CA14: variants seen among roughly 807,000 people sequenced by gnomAD.
The protein encoded by CA14 is CA-XIV.
In CA14, 44 loss-of-function variants were observed where a neutral mutation model predicts 48.8. The ratio of observed to expected loss-of-function variants is 0.90; its 90% CI spans 0.71 to 1.16. The LOEUF (loss-of-function observed/expected upper bound fraction) is 1.16. CA14 is among the 50% of genes most tolerant of loss of function. CA14 has a pLI of 0.00. For missense variants in CA14, 386 were observed against 401.0 expected, an observed-to-expected ratio of 0.96 and a Z score of 0.32; for synonymous variants, 154 against 155.0, an observed-to-expected ratio of 0.99 and a Z score of 0.05.
In CA14 at chr1:150,262,297, A is replaced by G. The variant is rs1371656809; in HGVS notation, c.396A>G (p.Ala132=). 1.3e-6 allele frequency: 2 copies of G among 1,597,450 alleles called. No homozygotes were observed. Among genetic ancestry groups the G allele is most frequent in the Admixed American group, 1.7e-5 (1 of 58,014 alleles). Residue 132 remains alanine (A), a synonymous_variant, in exon 4 of 11, where the codon GCA becomes GCG. Transcript: ENST00000369111. ...EHQINSEATF[A]ELHIVHYDSD... is the part of the protein sequence containing the mutation. ...AGATCAACAGTGAAGCCACATTTGC[A>G]GAGGTACCAGGGAACAAAGAGCTGG...
Position 150,262,199 on chromosome 1 carries a change from C to T in CA14, c.298C>T (p.Pro100Ser). ...LPSTLYLGGLPRKYVAAQLHL... is the reference protein window; with the variant it reads ...LPSTLYLGGLSRKYVAAQLHL... ...CTCTACCCTGTATCTGGGTGGACTT[C>T]CCCGAAAATATGTAGCTGCCCAGCT... is the stretch of plus-strand genomic sequence containing the variant. The change falls in exon 4 of 11, where the codon CCC becomes TCC. Residue 100 changes from proline to serine, a missense_variant. Pro to Ser is a moderately conservative substitution (Grantham distance 74). Coordinates refer to ENST00000369111, the MANE Select transcript of CA14 (RefSeq NM_012113.3). The T allele has an allele frequency of 6.2e-7, 1 of 1,614,176 alleles. No individual in the cohort carries two copies. Among genetic ancestry groups the T allele is most frequent in the Non-Finnish European group, 8.5e-7 (1 of 1,180,030 alleles).
At position 150,260,054 on chromosome 1, in the gene CA14, G is replaced by A. The variant is rs587709056; in HGVS notation, c.56-97G>A. On this transcript the variant is annotated intron_variant, in intron 1 of 10. Transcript: ENST00000369111. ...AGGGAGGAGAGACTGCAGAGAGGGA[G>A]GTGGAGCAGTACAGAATGCCAGAGG... is the stretch of plus-strand genomic sequence containing the variant. The A allele has an allele frequency of 4.3e-6, 5 of 1,163,106 alleles. No homozygotes were observed. In the Admixed American group the frequency reaches 7.2e-5, roughly 17 times the overall value. The allele number at this position is 1,163,106 out of a possible 1,614,324, so 72.0% of individuals were successfully genotyped here. A position where few individuals can be genotyped will look rare whatever the true frequency, so the allele number is the denominator to read the frequency against.
chr1:150,263,381 C>T lies in CA14; in HGVS notation c.803C>T (p.Pro268Leu), dbSNP rs781924907. ...LLVQNYRALQPLNQRMVFASF... is the reference protein window; with the variant it reads ...LLVQNYRALQLLNQRMVFASF... ...GTACAGAACTACCGAGCCCTTCAGC[C>T]TCTCAATCAGCGCATGGTCTTTGCT... Residue 268 changes from proline to leucine, a missense_variant, in exon 8 of 11, where the codon CCT (proline) becomes CTT (leucine). Coordinates refer to ENST00000369111, the MANE Select transcript of CA14 (RefSeq NM_012113.3). The T allele has an allele frequency of 1.7e-5, 27 of 1,614,086 alleles. No individual in the cohort carries two copies. Among genetic ancestry groups the T allele is most frequent in the Admixed American group, 3.3e-5 (2 of 59,992 alleles).
At chr1:150,260,086 A>C (rs1284562516) in intron 1 of CA14, 65 bp from the exon 2 acceptor site, 2 of 1,510,122 alleles carry the variant, frequency 1.3e-6, no homozygotes, top group African/African-American at 2.8e-5. Context: ...GAGGGAGGGG[A>C]GTGTGGAGGC....
intron 2 of CA14, 93 bp from the exon 3 acceptor site, chr1:150,261,366 G>C (rs1553847760): frequency 2.7e-6 from 3 of 1,116,714 alleles, no homozygotes; most frequent in Non-Finnish European, 4.0e-6. Context: ...CAGATGTATG[G>C]CTTGGTTAGG....
Position 150,261,490 on chromosome 1 carries a change from T to C in CA14, c.108T>C (p.Ser36=). 1 of 1,614,162 alleles carries C rather than the reference T, an allele frequency of 6.2e-7. No individual in the cohort carries two copies. The highest frequency in any genetic ancestry group is 8.5e-7 in the Non-Finnish European group (1 of 1,180,018). The change falls in exon 3 of 11, where the codon TCT becomes TCC. Residue 36 remains serine, a synonymous_variant. Transcript: ENST00000369111. ...GPHGQDHWPA[S]YPECGNNAQS... is the part of the protein sequence containing the mutation. ...ATGGTCAGGACCATTGGCCAGCCTC[T>C]TACCCTGAGTGTGGAAACAATGCCC...
At chr1:150,262,667 A>C in intron 5 of CA14, 47 bp downstream of exon 5, 2 of 1,478,600 alleles carry the variant, frequency 1.4e-6, no homozygotes, top group Non-Finnish European at 1.9e-6. Context: ...CTTCCTCTGC[A>C]ACCCTCAAAC....
At chr1:150,260,294 T>C in intron 2 of CA14, 123 bp downstream of exon 2, 1 of 917,292 alleles carries the variant, frequency 1.1e-6, no homozygotes, top group Non-Finnish European at 1.8e-6. Flanking sequence ...TCCTCCCTTC[T>C]GGATCTCCTC....
chr1:150,262,053 G>T, intron 3 of CA14, 105 bp from the exon 4 acceptor site: 1 of 1,336,452 alleles, frequency 7.5e-7, no homozygotes, highest in Non-Finnish European at 1.1e-6. Flanking sequence ...GCTACTGGGG[G>T]AGAAAACTGG....
chr1:150,259,582 C>T (rs1017228267), intron 1 of CA14, among the ~76,000 whole-genome samples: 45 of 152,102 alleles, frequency 3.0e-4, no homozygotes, highest in Non-Finnish European at 2.5e-4. Flanking sequence ...GAGGAGTTTC[C>T]TCTAGAGCTA....
rs147925499 is a variant in CA14 at position 150,260,406 on chromosome 1, G to A, written c.76+235G>A. On this transcript the variant is annotated intron_variant, in intron 2 of 10. Transcript: ENST00000369111. The stretch of plus-strand genomic sequence containing the variant: ...AAGCTAGTTAAGTCCTCAGTAAATC[G>A]TGTAGGAGTGAGGGAGCTGGGGTGG... The A allele has an allele frequency of 1.1e-4, 66 of 613,634 alleles. 1 individual carries two copies. Among genetic ancestry groups the A allele is most frequent in the Middle Eastern group, 5.1e-4 (2 of 3,890 alleles). The allele number at this position is 613,634 out of a possible 1,614,324, so 38.0% of individuals were successfully genotyped here. A position where few individuals can be genotyped will look rare whatever the true frequency, so the allele number is the denominator to read the frequency against.
Position 150,263,305 on chromosome 1 carries a change from A to T in CA14, c.727A>T (p.Lys243Ter). The part of the protein sequence containing the change: ...RSQISMEQLE[K>*]LQGTLFSTEE... ...CCACGCTTCTGCTCCTCAGCTGGAAAAGCTTCAGGGGACATTGTTCTCCAC... is the reference window on the plus strand; with the variant it reads ...CCACGCTTCTGCTCCTCAGCTGGAATAGCTTCAGGGGACATTGTTCTCCAC... Residue 243 changes from lysine (K) to a stop codon, truncating the protein, a stop_gained, in exon 8 of 11, where the codon AAG (lysine) becomes TAG (stop). Transcript: ENST00000369111. LOFTEE classifies it high-confidence loss of function. 1 of 1,614,156 alleles carries T rather than the reference A, an allele frequency of 6.2e-7. No individual in the cohort carries two copies. Among genetic ancestry groups the T allele is most frequent in the Middle Eastern group, 1.7e-4 (1 of 6,054 alleles).
rs587707748 is a variant in CA14 at position 150,262,196 on chromosome 1, C to T, written c.295C>T (p.Leu99Phe). ...GCCCTCTACCCTGTATCTGGGTGGA[C>T]TTCCCCGAAAATATGTAGCTGCCCA... is the stretch of plus-strand genomic sequence containing the variant. ...SLPSTLYLGG[L>F]PRKYVAAQLH... Residue 99 changes from leucine (L) to phenylalanine (F), a missense_variant, in exon 4 of 11, where the codon CTT becomes TTT. By Grantham distance (22) the Leu-to-Phe change is conservative (BLOSUM62 0). Transcript: ENST00000369111. The T allele has an allele frequency of 6.2e-6, 10 of 1,614,182 alleles. No individual in the cohort carries two copies. The African/African-American group carries it at 1.3e-4, about 22-fold the overall frequency.
intron 4 of CA14, 24 bp from the exon 5 acceptor site, chr1:150,262,501 T>C (rs782628240): frequency 1.3e-6 from 2 of 1,588,868 alleles, no homozygotes; most frequent in Non-Finnish European, 1.7e-6. Context: ...ATTCCATGAT[T>C]CAATTCCCTC....
At position 150,262,581 on chromosome 1, in the gene CA14, GA is replaced by G; in HGVS notation, c.457del (p.Arg153GlyfsTer11). 1 of 1,614,090 alleles carries G rather than the reference GA, an allele frequency of 6.2e-7. No homozygotes were observed. Among genetic ancestry groups the G allele is most frequent in the Non-Finnish European group, 8.5e-7 (1 of 1,179,962 alleles). On this transcript the variant is annotated frameshift_variant, in exon 5 of 11. Coordinates refer to ENST00000369111, the MANE Select transcript of CA14 (RefSeq NM_012113.3). LOFTEE classifies it high-confidence loss of function. The stretch of plus-strand genomic sequence containing the variant: ...ATGACAGCTTGAGTGAGGCTGCTGA[GA>G]GGCCTCAGGGCCTGGCTGTCCTGGG... The part of the protein sequence containing the change: ...SYDSLSEAAE[R>X]PQGLAVLGIL...
rs147108777 is a variant in CA14, at chr1:150,263,058, G to A, written c.579G>A (p.Val193=). The change falls in exon 7 of 11, where the codon GTG becomes GTA. Residue 193 remains valine (V), a synonymous_variant. Transcript: ENST00000369111. ...EVRHKDQKTS[V]PPFNLRELLP... is the part of the protein sequence containing the mutation. ...TCTCCCCAGATCAGAAGACCTCAGT[G>A]CCTCCCTTCAACCTAAGAGAGCTGC... 7.4e-6 allele frequency: 12 copies of A among 1,613,984 alleles called. No homozygotes were observed. The African/African-American group carries it at 1.5e-4, about 20-fold the overall frequency.
chr1:150,262,210 T>A lies in CA14; in HGVS notation c.309T>A (p.Tyr103Ter). The A allele has an allele frequency of 6.2e-7, 1 of 1,614,152 alleles. No individual in the cohort carries two copies. Among genetic ancestry groups the A allele is most frequent in the Non-Finnish European group, 8.5e-7 (1 of 1,180,026 alleles). The change falls in exon 4 of 11, where the codon TAT (tyrosine) becomes TAA (stop). Residue 103 changes from tyrosine to a stop codon, truncating the protein, a stop_gained. Transcript: ENST00000369111. LOFTEE classifies it high-confidence loss of function. ...ATCTGGGTGGACTTCCCCGAAAATA[T>A]GTAGCTGCCCAGCTCCACCTGCACT... ...TLYLGGLPRK[Y>*]VAAQLHLHWG...
chr1:150,263,007 T>C (rs1368931203), intron 6 of CA14, 35 bp from the exon 7 acceptor site: 2 of 1,612,522 alleles, frequency 1.2e-6, no homozygotes, highest in South Asian at 1.1e-5. Flanking sequence ...TAGGGCACAC[T>C]GAAAGGAAGA....
At position 150,262,110 on chromosome 1, in the gene CA14, A is replaced by G; in HGVS notation, c.257-48A>G. ...AAGTGGTGGCAACCCAGGAGTGGGA[A>G]TGTATCCACATGCCTCCACCAATCC... is the stretch of plus-strand genomic sequence containing the variant. On this transcript the variant is annotated intron_variant, in intron 3 of 10. Transcript: ENST00000369111. 5.0e-6 allele frequency: 8 copies of G among 1,611,108 alleles called. No individual in the cohort carries two copies. In the African/African-American group the frequency reaches 6.7e-5, roughly 13 times the overall value.
Sources: gnomAD v4.1 joint callset for allele counts (sites outside exome capture counted in the v4.1 genomes callset) on GRCh38, gnomAD v4.1.1 for gene constraint, MANE v1.5 for transcripts, NCBI Gene and HGNC (gene_info 2026-07-23, HGNC 2026-07-21) for gene names.